The following MMP16 variants were observed in gnomAD, a reference collection of about 807,000 sequenced individuals.
MMP16 encodes the protein matrix metallopeptidase 16.
MMP16 carries 12 observed loss-of-function variants against 67.8 expected under a neutral mutation model. The ratio of observed to expected loss-of-function variants is 0.18; its 90% CI spans 0.11 to 0.29. The LOEUF is 0.29. Ranked by LOEUF, MMP16 falls within the 10% of genes least tolerant of loss-of-function variation. MMP16 has a pLI of 1.00. For missense variants in MMP16, 475 were observed against 765.7 expected (o/e 0.62, Z 4.48); for synonymous variants, 249 against 255.9 (o/e 0.97, Z 0.26).
intron 1 of MMP16, among the ~76,000 whole-genome samples, chr8:88,265,699 T>C (rs905543255): frequency 1.3e-5 from 2 of 152,222 alleles, no homozygotes; most frequent in African/African-American, 4.8e-5. Context: ...TCTTGTTTTT[T>C]AAGAATATCA....
At chr8:88,303,683 T>C (rs1811167858) in intron 1 of MMP16, among the ~76,000 whole-genome samples, 1 of 152,178 alleles carries the variant, frequency 6.6e-6, no homozygotes, top group African/African-American at 2.4e-5. Context: ...CTGAGGCAAC[T>C]AGGGTCTGGA....
At chr8:88,168,986 A>T (rs1398513535) in intron 3 of MMP16, among the ~76,000 whole-genome samples, 1 of 152,064 alleles carries the variant, frequency 6.6e-6, no homozygotes, top group African/African-American at 2.4e-5. Flanking sequence ...GGGATTTAGG[A>T]AGTAATAACC....
intron 1 of MMP16, among the ~76,000 whole-genome samples, chr8:88,270,239 A>G (rs1486975110): frequency 6.6e-6 from 1 of 152,220 alleles, no homozygotes; most frequent in African/African-American, 2.4e-5. Flanking sequence ...AGCCAGACTC[A>G]AGTCAGGCAA....
In MMP16 at chr8:88,106,543, CAA is replaced by C. The variant is rs560778378; in HGVS notation, c.1083+9962_1083+9963del. On this transcript the variant is annotated intron_variant, in intron 6 of 9. Coordinates refer to ENST00000286614, the MANE Select transcript of MMP16 (RefSeq NM_005941.5). Reference sequence around the variant, plus strand: ...TTCCCAGGCAAAGATTCCTGATGATCAAACATTTTTCTGAAAGGTAGTAAAAA... The same window carrying C: ...TTCCCAGGCAAAGATTCCTGATGATCACATTTTTCTGAAAGGTAGTAAAAA... Among the ~76,000 whole-genome samples, 165 of 151,296 alleles carry C rather than the reference CAA, an allele frequency of 1.1e-3. 1 individual carries two copies. The highest frequency in any genetic ancestry group is 6.0e-3 in the Admixed American group (91 of 15,138).
At chr8:88,124,060 T>C (rs780068065) in intron 4 of MMP16, among the ~76,000 whole-genome samples, 1 of 152,046 alleles carries the variant, frequency 6.6e-6, no homozygotes, top group African/African-American at 2.4e-5. Context: ...TTACTTAGCA[T>C]TGATGAGTAA....
intron 2 of MMP16, among the ~76,000 whole-genome samples, chr8:88,188,806 C>T (rs1471713303): frequency 6.6e-6 from 1 of 152,086 alleles, no homozygotes; most frequent in African/African-American, 2.4e-5. Flanking sequence ...CAGGCATGCG[C>T]CACCACACCT....
chr8:88,147,777 T>G (rs944641903), intron 4 of MMP16, among the ~76,000 whole-genome samples: 4 of 149,286 alleles, frequency 2.7e-5, no homozygotes, highest in South Asian at 2.1e-4. Context: ...AAATATGTGT[T>G]TGTGTGTGTG....
At chr8:88,066,800 T>G (rs2118254128) in intron 7 of MMP16, among the ~76,000 whole-genome samples, 2 of 152,142 alleles carry the variant, frequency 1.3e-5, no homozygotes, top group South Asian at 2.1e-4. Context: ...GTACCGATAA[T>G]CATTTCACAA....
intron 1 of MMP16, among the ~76,000 whole-genome samples, chr8:88,260,382 T>G (rs1020655771): frequency 6.6e-5 from 10 of 152,148 alleles, no homozygotes; most frequent in African/African-American, 2.2e-4. Context: ...CCTTGCTACT[T>G]AAGACTTCAA....
intron 1 of MMP16, among the ~76,000 whole-genome samples, chr8:88,247,445 A>G (rs936462347): frequency 2.6e-5 from 4 of 152,114 alleles, no homozygotes; most frequent in African/African-American, 9.7e-5. Flanking sequence ...GCTATGGAGG[A>G]AACACGTGGC....
At chr8:88,184,183 C>T (rs1162587045) in intron 3 of MMP16, among the ~76,000 whole-genome samples, 1 of 152,116 alleles carries the variant, frequency 6.6e-6, no homozygotes, top group African/African-American at 2.4e-5. Context: ...GACAGAAGTT[C>T]AACATCTCTC....
intron 1 of MMP16, among the ~76,000 whole-genome samples, chr8:88,203,394 G>A (rs892623778): frequency 3.3e-5 from 5 of 152,104 alleles, no homozygotes; most frequent in Non-Finnish European, 7.4e-5. Flanking sequence ...GAGCTACTGC[G>A]CCCGGCCAAT....
intron 4 of MMP16, among the ~76,000 whole-genome samples, chr8:88,157,182 G>C (rs1235647748): frequency 6.6e-6 from 1 of 151,694 alleles, no homozygotes; most frequent in Admixed American, 6.6e-5. Context: ...TGAAATATTT[G>C]AACAAAAAAA....
At chr8:88,204,907 C>T (rs1351832184) in intron 1 of MMP16, among the ~76,000 whole-genome samples, 3 of 152,084 alleles carry the variant, frequency 2.0e-5, no homozygotes, top group African/African-American at 7.2e-5. Context: ...TGAAGCTGCC[C>T]GTATCCTACA....
chr8:88,284,809 C>G (rs1810801402), intron 1 of MMP16, among the ~76,000 whole-genome samples: 2 of 151,996 alleles, frequency 1.3e-5, no homozygotes, highest in African/African-American at 2.4e-5. Flanking sequence ...CTCTCTTCCC[C>G]CAAGGGTGCT....
At position 88,041,872 on chromosome 8, in the gene MMP16, A is replaced by G; in HGVS notation, c.1490-77T>C. The G allele has an allele frequency of 9.1e-7, 1 of 1,094,404 alleles. No individual in the cohort carries two copies. The highest frequency in any genetic ancestry group is 1.5e-5 in the South Asian group (1 of 65,176). 67.8% of individuals were successfully genotyped at this position (1,094,404 alleles called of 1,614,324 possible). On this transcript the variant is annotated intron_variant, in intron 9 of 9. Coordinates refer to ENST00000286614, the MANE Select transcript of MMP16 (RefSeq NM_005941.5). This position sits in a 1 kb window ranked among gnomAD's most constrained non-coding sequence, Gnocchi z 6.0. ...ATATGTAGAGAAATGTTACTAAAAT[A>G]GGCTATGTCTTAAGAGATGTATTTT...
intron 6 of MMP16, among the ~76,000 whole-genome samples, chr8:88,111,844 T>A (rs1372049946): frequency 6.6e-6 from 1 of 151,736 alleles, no homozygotes; most frequent in Non-Finnish European, 1.5e-5. Flanking sequence ...TTACTTGAAC[T>A]ATGATTCTTC....
At chr8:88,095,358 C>T (rs1422121292) in intron 6 of MMP16, among the ~76,000 whole-genome samples, 2 of 151,534 alleles carry the variant, frequency 1.3e-5, no homozygotes, top group African/African-American at 4.8e-5. Context: ...GTCCTGGATT[C>T]TGGTTTTGAC....
In MMP16 at chr8:88,041,378, A is replaced by G; in HGVS notation, c.*83T>C. The stretch of plus-strand genomic sequence containing the variant: ...GGCTGCCACAAGCCTGCTCCTAGCT[A>G]GGAAACAGCATAACAGCTCTTGTCT... On this transcript the variant is annotated 3_prime_UTR_variant, in exon 10 of 10. Transcript: ENST00000286614. This position sits in a 1 kb window ranked among gnomAD's most constrained non-coding sequence, Gnocchi z 6.0. 7.1e-7 allele frequency: 1 copy of G among 1,411,786 alleles called. No homozygotes were observed. The highest frequency in any genetic ancestry group is 1.8e-4 in the Middle Eastern group (1 of 5,414). The allele number at this position is 1,411,786 out of a possible 1,614,324, so 87.5% of individuals were successfully genotyped here. A position where few individuals can be genotyped will look rare whatever the true frequency, so the allele number is the denominator to read the frequency against.
Sources: gnomAD v4.1 joint callset for allele counts (sites outside exome capture counted in the v4.1 genomes callset) on GRCh38, gnomAD v4.1.1 for gene constraint, Gnocchi (gnomAD v3.1) non-coding constraint, MANE v1.5 for transcripts, NCBI Gene and HGNC (gene_info 2026-07-23, HGNC 2026-07-21) for gene names.